RAD51D: variants seen among roughly 807,000 people sequenced by gnomAD.
RAD51D encodes DNA repair protein RAD51 homolog 4.
In RAD51D, 38 loss-of-function variants were observed where a neutral mutation model predicts 44.1. That is an observed-to-expected ratio of 0.86 (90% CI 0.67 to 1.13). The LOEUF (loss-of-function observed/expected upper bound fraction) is 1.13, where lower values mean the gene tolerates loss of function less well. Among genes scored for constraint, RAD51D ranks in the 50% most tolerant of loss-of-function variants. The pLI is 0.00. For synonymous variants in RAD51D, 141 were observed against 166.6 expected (o/e 0.85, Z 1.18); for missense variants, 390 against 414.0 (o/e 0.94, Z 0.50).
chr17:35,117,222 C>G (rs2091761161), intron 3 of RAD51D, among the ~76,000 whole-genome samples: 1 of 152,164 alleles, frequency 6.6e-6, no homozygotes, highest in Admixed American at 6.5e-5. Context: ...CTGCACATAC[C>G]AAGCACCCAG....
At position 35,100,061 on chromosome 17, in the gene RAD51D, T is replaced by C. The variant is rs1287000851; in HGVS notation, c.*892A>G. 1 of 532,880 alleles carries C rather than the reference T, an allele frequency of 1.9e-6. No individual in the cohort carries two copies. Among genetic ancestry groups the C allele is most frequent in the Non-Finnish European group, 3.6e-6 (1 of 275,514 alleles). The allele number at this position is 532,880 out of a possible 1,614,324, so 33.0% of individuals were successfully genotyped here. On this transcript the variant is annotated 3_prime_UTR_variant, in exon 10 of 10. Transcript: ENST00000345365. ...AATTTTCCCAGCTGGCTCTATTTAC[T>C]GTGCAAATTCTCCTCTGTCTGTTTA...
At position 35,118,579 on chromosome 17, in the gene RAD51D, G is replaced by A. The variant is rs374357106; in HGVS notation, c.185C>T (p.Ser62Leu). 6.3e-5 allele frequency: 102 copies of A among 1,614,054 alleles called. No homozygotes were observed. The highest frequency in any genetic ancestry group is 8.3e-5 in the Non-Finnish European group (98 of 1,180,044). ...ALRRVLLAQF[S>L]AFPVNGADLY... ...ATCAGCGCCATTCACGGGGAAAGCC[G>A]AGAACTGAGCCAGCAGCACCCGCCT... The change falls in exon 3 of 10, where the codon TCG becomes TTG. Residue 62 changes from serine (S) to leucine (L), a missense_variant. Coordinates refer to ENST00000345365, the MANE Select transcript of RAD51D (RefSeq NM_002878.4).
chr17:35,109,189 G>A (rs1242863343), intron 3 of RAD51D, among the ~76,000 whole-genome samples: 2 of 152,028 alleles, frequency 1.3e-5, no homozygotes, highest in African/African-American at 2.4e-5. Context: ...TTTTTACTCA[G>A]CATCATTCCC....
In RAD51D at chr17:35,106,441, T is replaced by G. The variant is rs2142429336; in HGVS notation, c.521A>C (p.Asp174Ala). The G allele has an allele frequency of 6.2e-7, 1 of 1,613,346 alleles. No individual in the cohort carries two copies. Among genetic ancestry groups the G allele is most frequent in the Non-Finnish European group, 8.5e-7 (1 of 1,179,714 alleles). Residue 174 changes from aspartate (D) to alanine (A), a missense_variant, in exon 6 of 10, where the codon GAC becomes GCC. Transcript: ENST00000345365. ...CAGCACATCCAGCATCTGGAAGATG[T>G]CAAATGCATGCACCACCTGGATCCT... ...LRRIQVVHAF[D>A]IFQMLDVLQE...
Position 35,118,534 on chromosome 17 carries a change from G to A in RAD51D, c.230C>T (p.Thr77Ile), listed in dbSNP as rs777826765. ...NGADLYEELK[T>I]STAILSTGIG... ...GCCAGTGGACAGGATGGCAGTGGAG[G>A]TCTTCAGTTCCTCGTAGAGATCAGC... is the stretch of plus-strand genomic sequence containing the variant. The change falls in exon 3 of 10, where the codon ACC becomes ATC. Residue 77 changes from threonine to isoleucine, a missense_variant. Coordinates refer to ENST00000345365, the MANE Select transcript of RAD51D (RefSeq NM_002878.4). 9 of 1,614,176 alleles carry A rather than the reference G, an allele frequency of 5.6e-6. No homozygotes were observed. In the South Asian group the frequency reaches 7.7e-5, roughly 14 times the overall value.
chr17:35,103,550 G>T lies in RAD51D; in HGVS notation c.577-6C>A, dbSNP rs1210749655. ...GTTCCTGAAGAACCAGTCACCTGAA[G>T]GAATGTGGGGGAAGCACTCATGAAC... On this transcript the variant is annotated splice_polypyrimidine_tract_variant and splice_region_variant and intron_variant, in intron 6 of 9. Transcript: ENST00000345365. This position sits in a 1 kb window ranked among gnomAD's most constrained non-coding sequence, Gnocchi z 4.1. The T allele has an allele frequency of 6.2e-7, 1 of 1,609,908 alleles. No homozygotes were observed. The highest frequency in any genetic ancestry group is 8.5e-7 in the Non-Finnish European group (1 of 1,176,140).
In RAD51D at chr17:35,097,517, G is replaced by GTGTA. The variant is rs1246935953; in HGVS notation, c.*3435_*3436insTACA. The GTGTA allele has an allele frequency of 2.0e-4, 29 of 141,488 alleles. 1 individual carries two copies. The highest frequency in any genetic ancestry group is 8.1e-4 in the African/African-American group (29 of 35,640). The allele number at this position is 141,488 out of a possible 1,614,324, so 8.8% of individuals were successfully genotyped here. On this transcript the variant is annotated 3_prime_UTR_variant, in exon 10 of 10. Coordinates refer to ENST00000345365, the MANE Select transcript of RAD51D (RefSeq NM_002878.4). ...TGTGTATATGTGTGTGTGTGTGTGTGTATATATATATATATATGTATATGT... is the reference window on the plus strand; with the variant it reads ...TGTGTATATGTGTGTGTGTGTGTGTGTGTATATATATATATATATATGTATATGT...
intron 3 of RAD51D, among the ~76,000 whole-genome samples, chr17:35,117,597 C>A (rs1393678847): frequency 6.6e-6 from 1 of 152,196 alleles, no homozygotes; most frequent in African/African-American, 2.4e-5. Context: ...TCAAGCAATT[C>A]TCCTGCTGCA....
rs753009349 is a variant in RAD51D, at chr17:35,107,122, C to T, written c.346G>A (p.Val116Ile). 1.9e-6 allele frequency: 3 copies of T among 1,614,032 alleles called. No individual in the cohort carries two copies. The highest frequency in any genetic ancestry group is 1.7e-6 in the Non-Finnish European group (2 of 1,180,024). ...VGGPGSGKTQVCLCMAANVAH... is the reference protein window; with the variant it reads ...VGGPGSGKTQICLCMAANVAH... ...ACATTTGCTGCCATACAGAGACATA[C>T]CTGGGGGTGGGGGCATTGGATGAAC... is the stretch of plus-strand genomic sequence containing the variant. The change falls in exon 5 of 10, where the codon GTA becomes ATA. Residue 116 changes from valine to isoleucine, a missense_variant and splice_region_variant. Val to Ile is a conservative substitution (Grantham distance 29). Transcript: ENST00000345365.
chr17:35,116,384 A>T (rs1426708100), intron 3 of RAD51D, among the ~76,000 whole-genome samples: 1 of 152,246 alleles, frequency 6.6e-6, no homozygotes, highest in Non-Finnish European at 1.5e-5. Flanking sequence ...GACAAGCATG[A>T]ACTCAAATAA....
At chr17:35,107,737 CTTTTTTTTTTTTT>C (rs34531142) in intron 3 of RAD51D, among the ~76,000 whole-genome samples, 4 of 94,028 alleles carry the variant, frequency 4.3e-5, no homozygotes, top group South Asian at 8.0e-4. Context: ...TGTGGGTTTC[CTTTTTTTTTTTTT>C]TTTTTTTTTT....
At chr17:35,115,932 G>GAAGAA (rs1362960849) in intron 3 of RAD51D, among the ~76,000 whole-genome samples, 25 of 62,412 alleles carry the variant, frequency 4.0e-4, no homozygotes, top group African/African-American at 1.2e-3. Flanking sequence ...AGGAAGGAAG[G>GAAGAA]AAGGAAGAAA....
Position 35,118,541 on chromosome 17 carries a change from G to A in RAD51D, c.223C>T (p.Leu75=), listed in dbSNP as rs746929682. ...GACAGGATGGCAGTGGAGGTCTTCA[G>A]TTCCTCGTAGAGATCAGCGCCATTC... The part of the protein sequence containing the change: ...PVNGADLYEE[L]KTSTAILSTG... Residue 75 remains leucine, a synonymous_variant, in exon 3 of 10, where the codon CTG becomes TTG. Transcript: ENST00000345365. The A allele has an allele frequency of 2.5e-6, 4 of 1,614,172 alleles. No individual in the cohort carries two copies. The highest frequency in any genetic ancestry group is 2.2e-5 in the South Asian group (2 of 91,082).
chr17:35,119,790 G>A lies in RAD51D; in HGVS notation c.-177C>T, dbSNP rs1210423869. ...CCAAGGGTAGGGCTGGGGGTCATCC[G>A]CCCGCCCGGGATCCGCCGGGATTCC... is the stretch of plus-strand genomic sequence containing the variant. On this transcript the variant is annotated 5_prime_UTR_variant, in exon 1 of 10. Transcript: ENST00000345365. The A allele has an allele frequency of 5.5e-6, 4 of 725,460 alleles. No individual in the cohort carries two copies. The highest frequency in any genetic ancestry group is 7.3e-6 in the Non-Finnish European group (3 of 410,858). 44.9% of individuals were successfully genotyped at this position (725,460 alleles called of 1,614,324 possible).
intron 9 of RAD51D, 46 bp from the exon 10 acceptor site, chr17:35,101,082 G>A (rs2142409841): frequency 1.9e-6 from 3 of 1,603,972 alleles, no homozygotes; most frequent in South Asian, 2.2e-5. Flanking sequence ...AACCCAAGTG[G>A]GTAGCTTCTT....
chr17:35,118,975 TCTGACTCCAAGTGACCCACCCG>T, intron 2 of RAD51D, 114 bp downstream of exon 2: 1 of 799,828 alleles, frequency 1.3e-6, no homozygotes, highest in Non-Finnish European at 2.2e-6. Context: ...ACTCCTGACT[TCTGACTCCAAGTGACCCACCCG>T]CCTCGGCCTC....
chr17:35,111,354 C>CA (rs60278898), intron 3 of RAD51D, among the ~76,000 whole-genome samples: 37 of 127,348 alleles, frequency 2.9e-4, no homozygotes, highest in Non-Finnish European at 4.6e-4. Flanking sequence ...AACTCCATCT[C>CA]AAAAAAAAAA....
chr17:35,100,775 C>T lies in RAD51D; in HGVS notation c.*178G>A, dbSNP rs575313654. On this transcript the variant is annotated 3_prime_UTR_variant, in exon 10 of 10. Coordinates refer to ENST00000345365, the MANE Select transcript of RAD51D (RefSeq NM_002878.4). ...GTCCTCGCAATGCAGCATCCTCTTT[C>T]GCCTGTGGTTTATATGCTTACAGAG... 4.3e-5 allele frequency: 30 copies of T among 701,494 alleles called. No individual in the cohort carries two copies. Among genetic ancestry groups the T allele is most frequent in the Non-Finnish European group, 6.5e-5 (25 of 384,020 alleles). The allele number at this position is 701,494 out of a possible 1,614,324, so 43.5% of individuals were successfully genotyped here.
intron 5 of RAD51D, 40 bp from the exon 6 acceptor site, chr17:35,106,521 A>G: frequency 6.7e-7 from 1 of 1,481,904 alleles, no homozygotes; most frequent in Non-Finnish European, 9.4e-7. Flanking sequence ...TTTGGATAAG[A>G]GGGAGTAGGG....
Sources: allele counts gnomAD v4.1 joint callset (sites outside exome capture counted in the v4.1 genomes callset), GRCh38; gene constraint gnomAD v4.1.1; non-coding constraint Gnocchi (gnomAD v3.1); transcripts MANE v1.5; gene names NCBI Gene and HGNC (gene_info 2026-07-23, HGNC 2026-07-21).